The following NKAIN3 variants were observed in gnomAD, a reference collection of about 807,000 sequenced individuals.
The protein encoded by NKAIN3 is sodium/potassium transporting ATPase interacting 3, also known as sodium/potassium-transporting ATPase subunit beta-1-interacting protein 3.
Under a neutral mutation model 30.2 loss-of-function variants are expected in NKAIN3, and 25 were observed. That is an observed-to-expected ratio of 0.83 (90% CI 0.60 to 1.16). NKAIN3 has a LOEUF of 1.16. Ranked by LOEUF, NKAIN3 falls within the 50% of genes most tolerant of loss-of-function variation. NKAIN3 has a pLI of 0.00. For missense variants in NKAIN3, 225 were observed against 254.1 expected (o/e 0.89, Z 0.78); for synonymous variants, 91 against 89.6 (o/e 1.02, Z -0.09).
chr8:62,523,790 T>G (rs939337478), intron 1 of NKAIN3, among the ~76,000 whole-genome samples: 2 of 152,044 alleles, frequency 1.3e-5, no homozygotes, highest in Non-Finnish European at 2.9e-5. Context: ...ATAGCAAGTG[T>G]GTATCGCGGG....
intron 6 of NKAIN3, among the ~76,000 whole-genome samples, 167 bp downstream of exon 6, chr8:62,954,139 T>G (rs1283976690): frequency 6.6e-6 from 1 of 152,218 alleles, no homozygotes; most frequent in Non-Finnish European, 1.5e-5. Context: ...TTATTATTAT[T>G]CATTCCAAAA....
chr8:62,391,414 G>A (rs916918820), intron 1 of NKAIN3, among the ~76,000 whole-genome samples: 1 of 151,888 alleles, frequency 6.6e-6, no homozygotes, highest in Non-Finnish European at 1.5e-5. Context: ...TGTGAAATAA[G>A]GTCAAAGTCA....
chr8:62,675,525 T>A (rs1813446587), intron 3 of NKAIN3, among the ~76,000 whole-genome samples: 1 of 152,154 alleles, frequency 6.6e-6, no homozygotes, highest in African/African-American at 2.4e-5. Flanking sequence ...AGGGCAACCA[T>A]ATTTAAACCA....
chr8:62,524,581 G>A (rs150733369), intron 1 of NKAIN3, among the ~76,000 whole-genome samples: 50 of 152,158 alleles, frequency 3.3e-4, no homozygotes, highest in African/African-American at 1.2e-3. Flanking sequence ...CACAGTGAGT[G>A]GTTTCCTCAG....
chr8:62,351,126 C>T (rs1331565849), intron 1 of NKAIN3, among the ~76,000 whole-genome samples: 1 of 148,750 alleles, frequency 6.7e-6, no homozygotes, highest in Non-Finnish European at 1.5e-5. Context: ...AACATATATA[C>T]TATAAAAAGT....
At chr8:62,699,503 A>T (rs1228135210) in intron 3 of NKAIN3, among the ~76,000 whole-genome samples, 1 of 152,212 alleles carries the variant, frequency 6.6e-6, no homozygotes, top group Admixed American at 6.5e-5. Flanking sequence ...ACAAACTTGC[A>T]TATTGAATGC....
chr8:62,893,012 A>G (rs60649794), intron 4 of NKAIN3, among the ~76,000 whole-genome samples: 2,943 of 152,284 alleles, frequency 0.019, 94 homozygotes, highest in African/African-American at 0.066. Context: ...GTTTAATAAG[A>G]GGAAAATAAA....
At chr8:62,820,953 C>T (rs770377763) in intron 4 of NKAIN3, among the ~76,000 whole-genome samples, 2 of 152,068 alleles carry the variant, frequency 1.3e-5, no homozygotes, top group Non-Finnish European at 2.9e-5. Context: ...TTTATATTCT[C>T]CCAAACTTAT....
rs1402627071 is a variant in NKAIN3 at position 62,973,151 on chromosome 8, T to C, written c.*7744T>C. 6.6e-6 allele frequency among the ~76,000 whole-genome samples: 1 copy of C among 152,242 alleles called. No homozygotes were observed. The highest frequency in any genetic ancestry group is 6.5e-5 in the Admixed American group (1 of 15,280). ...AAACATAGGAGTGCATGTGTCATTA[T>C]AGTAGAATGATTTATAATCCTTTGG... On this transcript the variant is annotated 3_prime_UTR_variant, in exon 7 of 7. Transcript: ENST00000623646.
intron 1 of NKAIN3, among the ~76,000 whole-genome samples, chr8:62,288,849 G>T (rs1248673537): frequency 6.6e-6 from 1 of 152,162 alleles, no homozygotes; most frequent in Non-Finnish European, 1.5e-5. Flanking sequence ...CTAGTTTACA[G>T]TCCCACCAAC....
At chr8:62,522,127 T>G (rs1808178148) in intron 1 of NKAIN3, among the ~76,000 whole-genome samples, 1 of 152,122 alleles carries the variant, frequency 6.6e-6, no homozygotes, top group Non-Finnish European at 1.5e-5. Context: ...TATTCACATA[T>G]AAAACATGTA....
At chr8:62,908,306 A>G (rs1015242593) in intron 4 of NKAIN3, among the ~76,000 whole-genome samples, 41 of 152,290 alleles carry the variant, frequency 2.7e-4, no homozygotes, top group African/African-American at 8.9e-4. Flanking sequence ...ACAGGCTCAT[A>G]GGTGGAAGGG....
chr8:62,942,933 T>C (rs1823008462), intron 5 of NKAIN3, among the ~76,000 whole-genome samples: 1 of 152,150 alleles, frequency 6.6e-6, no homozygotes, highest in Non-Finnish European at 1.5e-5. Flanking sequence ...ATAGAAATTC[T>C]AGAGGATAAT....
At chr8:62,480,976 C>G (rs977192336) in intron 1 of NKAIN3, among the ~76,000 whole-genome samples, 1 of 152,146 alleles carries the variant, frequency 6.6e-6, no homozygotes, top group South Asian at 2.1e-4. Context: ...GTATAAACAG[C>G]CTCACCTTCC....
At chr8:62,736,426 A>T (rs7837973) in intron 3 of NKAIN3, among the ~76,000 whole-genome samples, 121,412 of 152,034 alleles carry the variant, frequency 0.8, 49,073 homozygotes, top group Non-Finnish European at 0.87. Flanking sequence ...TATGGCTACC[A>T]CTGCTGCAGC....
intron 1 of NKAIN3, among the ~76,000 whole-genome samples, chr8:62,415,926 T>A (rs1364631459): frequency 1.3e-5 from 2 of 151,726 alleles, no homozygotes; most frequent in African/African-American, 4.8e-5. Context: ...CCCAGCTAAT[T>A]TTTTGTATTT....
At position 62,633,574 on chromosome 8, in the gene NKAIN3, A is replaced by G. The variant is rs1812032750; in HGVS notation, c.273+43780A>G. Among the ~76,000 whole-genome samples the G allele has an allele frequency of 2.0e-5, 3 of 152,182 alleles. No homozygotes were observed. In the South Asian group the frequency reaches 6.2e-4, roughly 31 times the overall value. On this transcript the variant is annotated intron_variant, in intron 3 of 6. Transcript: ENST00000623646. The stretch of plus-strand genomic sequence containing the variant: ...TGGCTGCAGGAGAGAGGGGCACCAC[A>G]GATAACAGAGAGAAATAGTGAGCTG...
intron 4 of NKAIN3, among the ~76,000 whole-genome samples, chr8:62,802,030 T>C (rs2130695763): frequency 6.6e-6 from 1 of 151,992 alleles, no homozygotes; most frequent in Admixed American, 6.6e-5. Context: ...TGATGGAAGA[T>C]GAAATGATTG....
intron 1 of NKAIN3, among the ~76,000 whole-genome samples, chr8:62,287,210 C>T (rs1467899947): frequency 3.3e-5 from 5 of 151,698 alleles, no homozygotes. Context: ...TTAGATTAGT[C>T]TCTGGTTCTG....
Sources: gnomAD v4.1 joint callset for allele counts (sites outside exome capture counted in the v4.1 genomes callset) on GRCh38, gnomAD v4.1.1 for gene constraint, MANE v1.5 for transcripts, NCBI Gene and HGNC (gene_info 2026-07-23, HGNC 2026-07-21) for gene names.